The following FAT4 variants were observed in gnomAD, a reference collection of about 807,000 sequenced individuals.
FAT4 encodes the protein FAT atypical cadherin 4, also known as protocadherin Fat 4.
A neutral mutation model predicts 303.9 loss-of-function variants in FAT4; 84 were observed. That is an observed-to-expected ratio of 0.28 (90% CI 0.23 to 0.33). The LOEUF is 0.33. Ranked by LOEUF, FAT4 falls within the 10% of genes least tolerant of loss-of-function variation. The pLI, the probability that FAT4 is intolerant of heterozygous loss-of-function variation, is 1.00. For synonymous variants in FAT4, 2,307 were observed against 2,298.8 expected (o/e 1.00, Z -0.10); for missense variants, 6,005 against 6,146.8 (o/e 0.98, Z 0.77).
At chr4:125,458,708 T>C (rs1299302394) in intron 10 of FAT4, among the ~76,000 whole-genome samples, 2 of 151,974 alleles carry the variant, frequency 1.3e-5, no homozygotes, top group Admixed American at 6.6e-5. Flanking sequence ...ATGAACATTA[T>C]GTGTGTAATC....
In FAT4 at chr4:125,491,285, G is replaced by T. The variant is rs1472546817; in HGVS notation, c.14469G>T (p.Arg4823Ser). 1.2e-6 allele frequency: 2 copies of T among 1,614,150 alleles called. No homozygotes were observed. Among genetic ancestry groups the T allele is most frequent in the East Asian group, 2.2e-5 (1 of 44,866 alleles). ...GRSSSEEDCRRPLSRTRNPAD... is the reference protein window; with the variant it reads ...GRSSSEEDCRSPLSRTRNPAD... ...CTTCTTCAGAGGAGGACTGCAGAAG[G>T]CCACTGTCTAGAACAAGGAATCCAG... Residue 4823 changes from arginine (R) to serine (S), a missense_variant, in exon 18 of 18, where the codon AGG (arginine) becomes AGT (serine). By Grantham distance (110) the Arg-to-Ser change is moderately radical. Coordinates refer to ENST00000394329, the MANE Select transcript of FAT4 (RefSeq NM_001291303.3).
chr4:125,386,837 A>G (rs1733769042), intron 2 of FAT4, among the ~76,000 whole-genome samples: 1 of 152,222 alleles, frequency 6.6e-6, no homozygotes, highest in Admixed American at 6.5e-5. Flanking sequence ...ATAAGGACAT[A>G]TAACTATTAT....
In FAT4 at chr4:125,315,220, T is replaced by C. The variant is rs900785229; in HGVS notation, c.-770T>C. On this transcript the variant is annotated 5_prime_UTR_variant, in exon 1 of 18. Coordinates refer to ENST00000394329, the MANE Select transcript of FAT4 (RefSeq NM_001291303.3). ...CCCCGGCCGGCGAGAGGGAGAGCGC[T>C]GACAGGCGCCGTCCGGAGCTGCGGA... is the stretch of plus-strand genomic sequence containing the variant. 2.0e-5 allele frequency among the ~76,000 whole-genome samples: 3 copies of C among 151,704 alleles called. No homozygotes were observed. Among genetic ancestry groups the C allele is most frequent in the Non-Finnish European group, 4.4e-5 (3 of 67,914 alleles).
intron 5 of FAT4, 30 bp downstream of exon 5, chr4:125,408,824 A>G (rs766224688): frequency 9.1e-7 from 1 of 1,095,880 alleles, no homozygotes; most frequent in South Asian, 2.1e-5. Context: ...TAATTTTTAA[A>G]ACATCTATAA....
chr4:125,419,680 G>A (rs1735211824), intron 7 of FAT4, among the ~76,000 whole-genome samples: 1 of 152,076 alleles, frequency 6.6e-6, no homozygotes, highest in Non-Finnish European at 1.5e-5. Context: ...CCATTTATCT[G>A]AACCCCTCCA....
chr4:125,471,375 G>T (rs1726849963), intron 12 of FAT4, among the ~76,000 whole-genome samples: 1 of 151,964 alleles, frequency 6.6e-6, no homozygotes, highest in Admixed American at 6.6e-5. Context: ...ACCTTCAATT[G>T]GTAAAAAATA....
intron 14 of FAT4, among the ~76,000 whole-genome samples, chr4:125,478,276 G>C (rs1048523944): frequency 4.6e-5 from 7 of 152,092 alleles, no homozygotes; most frequent in African/African-American, 1.4e-4. Context: ...AGTCACACTA[G>C]TTCGTTATTA....
chr4:125,406,757 T>G, intron 3 of FAT4, 123 bp from the exon 4 acceptor site: 1 of 1,062,532 alleles, frequency 9.4e-7, no homozygotes, highest in Non-Finnish European at 1.4e-6. Flanking sequence ...TGTTTAAGTC[T>G]TATAATATCA....
Position 125,316,685 on chromosome 4 carries a change from A to G in FAT4, c.274A>G (p.Thr92Ala), listed in dbSNP as rs376655886. 1.2e-6 allele frequency: 2 copies of G among 1,613,486 alleles called. No homozygotes were observed. The highest frequency in any genetic ancestry group is 2.7e-5 in the African/African-American group (2 of 74,898). Residue 92 changes from threonine (T) to alanine (A), a missense_variant, in exon 2 of 18, where the codon ACC (threonine) becomes GCC (alanine). Thr to Ala is a moderately conservative substitution (Grantham distance 58). Coordinates refer to ENST00000394329, the MANE Select transcript of FAT4 (RefSeq NM_001291303.3). The surrounding 1 kb of genome is among the most constrained non-coding windows in gnomAD (Gnocchi z 5.7). Reference sequence around the variant, plus strand: ...AAACAGTAGCACCGGAGCCCTGTACACCACCTCCACCATCGACCGCGAGAG... The same window carrying G: ...AAACAGTAGCACCGGAGCCCTGTACGCCACCTCCACCATCGACCGCGAGAG... ...AINSSTGALYTTSTIDRESLP... is the reference protein window; with the variant it reads ...AINSSTGALYATSTIDRESLP...
At position 125,449,746 on chromosome 4, in the gene FAT4, C is replaced by A. The variant is rs764540728; in HGVS notation, c.8736C>A (p.Phe2912Leu). The part of the protein sequence containing the change: ...DEGSNGQVFY[F>L]IKSQSEYFRI... The stretch of plus-strand genomic sequence containing the variant: ...GATCAAATGGACAAGTGTTTTATTT[C>A]ATAAAATCCCAATCAGAATATTTCA... The change falls in exon 10 of 18, where the codon TTC becomes TTA. Residue 2912 changes from phenylalanine to leucine, a missense_variant. Phe to Leu is a conservative substitution (Grantham distance 22). Coordinates refer to ENST00000394329, the MANE Select transcript of FAT4 (RefSeq NM_001291303.3). 1 of 1,613,626 alleles carries A rather than the reference C, an allele frequency of 6.2e-7. No individual in the cohort carries two copies. The highest frequency in any genetic ancestry group is 2.2e-5 in the East Asian group (1 of 44,858).
intron 2 of FAT4, among the ~76,000 whole-genome samples, chr4:125,336,424 T>A (rs1347714784): frequency 1.3e-5 from 2 of 151,998 alleles, no homozygotes; most frequent in Non-Finnish European, 2.9e-5. Context: ...GATACTGAAG[T>A]TATATTCTAA....
chr4:125,390,280 C>G (rs1733931588), intron 2 of FAT4, among the ~76,000 whole-genome samples: 1 of 152,144 alleles, frequency 6.6e-6, no homozygotes, highest in Non-Finnish European at 1.5e-5. Flanking sequence ...ACACATCACC[C>G]TGATGCGGTC....
In FAT4 at chr4:125,449,417, A is replaced by G. The variant is rs1369291260; in HGVS notation, c.8407A>G (p.Ile2803Val). 3.1e-6 allele frequency: 5 copies of G among 1,613,706 alleles called. No homozygotes were observed. In the Admixed American group the frequency reaches 8.3e-5, roughly 27 times the overall value. The change falls in exon 10 of 18, where the codon ATT becomes GTT. Residue 2803 changes from isoleucine (I) to valine (V), a missense_variant. Transcript: ENST00000394329. Reference protein sequence around the residue: ...VTRVTTSDEDIGINAISRYSI... With the variant: ...VTRVTTSDEDVGINAISRYSI... Reference sequence around the variant, plus strand: ...CCGTGTCACAACTTCTGATGAAGACATTGGGATCAATGCAATTAGTAGATA... The same window carrying G: ...CCGTGTCACAACTTCTGATGAAGACGTTGGGATCAATGCAATTAGTAGATA...
At chr4:125,412,919 T>G (rs956037157) in intron 5 of FAT4, among the ~76,000 whole-genome samples, 2 of 151,828 alleles carry the variant, frequency 1.3e-5, no homozygotes, top group Admixed American at 1.3e-4. Context: ...GAATGGGGAT[T>G]CAATATTTAC....
At chr4:125,407,233 G>T in intron 4 of FAT4, 92 bp downstream of exon 4, 1 of 1,135,090 alleles carries the variant, frequency 8.8e-7, no homozygotes, top group Non-Finnish European at 1.3e-6. Context: ...TCAATGATTA[G>T]TTTTTAATCA....
chr4:125,427,864 T>C (rs1460593245), intron 7 of FAT4, among the ~76,000 whole-genome samples: 1 of 152,232 alleles, frequency 6.6e-6, no homozygotes, highest in Non-Finnish European at 1.5e-5. Flanking sequence ...AGAAGTATTT[T>C]TGATTTATAG....
At chr4:125,430,868 T>C (rs1201485101) in intron 7 of FAT4, among the ~76,000 whole-genome samples, 1 of 152,206 alleles carries the variant, frequency 6.6e-6, no homozygotes, top group Non-Finnish European at 1.5e-5. Flanking sequence ...CAAATGATCC[T>C]CAAGCCAGAA....
At chr4:125,437,253 A>G (rs1028204851) in intron 8 of FAT4, among the ~76,000 whole-genome samples, 1 of 152,120 alleles carries the variant, frequency 6.6e-6, no homozygotes. Flanking sequence ...GAGGCACTAG[A>G]ACCAGTCACT....
intron 2 of FAT4, among the ~76,000 whole-genome samples, chr4:125,368,012 G>T (rs1009230952): frequency 6.6e-6 from 1 of 151,968 alleles, no homozygotes; most frequent in Non-Finnish European, 1.5e-5. Flanking sequence ...TCCCCCTTCC[G>T]TTTAAGGTTT....
Sources: gnomAD v4.1 joint callset for allele counts (sites outside exome capture counted in the v4.1 genomes callset) on GRCh38, gnomAD v4.1.1 for gene constraint, Gnocchi (gnomAD v3.1) non-coding constraint, MANE v1.5 for transcripts, NCBI Gene and HGNC (gene_info 2026-07-23, HGNC 2026-07-21) for gene names.